Variants in EIF4ENIF1 observed in about 807,000 individuals in gnomAD.
EIF4ENIF1 encodes the protein eukaryotic translation initiation factor 4E transporter.
EIF4ENIF1 carries 23 observed loss-of-function variants against 110.5 expected under a neutral mutation model. The observed-to-expected ratio is 0.21, with a 90% CI of 0.15 to 0.29. The LOEUF is 0.29. EIF4ENIF1 is among the 10% of genes least tolerant of loss of function. The pLI is 1.00. For synonymous variants in EIF4ENIF1, 440 were observed against 437.0 expected, an observed-to-expected ratio of 1.01 and a Z score of -0.09; for missense variants, 1,031 against 1,221.1, an observed-to-expected ratio of 0.84 and a Z score of 2.32.
intron 15 of EIF4ENIF1, chr22:31,443,326 G>A: frequency 2.2e-6 from 1 of 445,422 alleles, no homozygotes; most frequent in Non-Finnish European, 3.8e-6. Flanking sequence ...ACATGCCTAT[G>A]CAGCCTCTGC....
Position 31,463,671 on chromosome 22 carries a change from A to AAT in EIF4ENIF1, c.585+9_585+10insAT. 2 of 1,561,296 alleles carry AAT rather than the reference A, an allele frequency of 1.3e-6. No individual in the cohort carries two copies. Among genetic ancestry groups the AAT allele is most frequent in the Non-Finnish European group, 1.7e-6 (2 of 1,161,996 alleles). On this transcript the variant is annotated intron_variant, in intron 5 of 18. Coordinates refer to ENST00000330125, the MANE Select transcript of EIF4ENIF1 (RefSeq NM_019843.4). The stretch of plus-strand genomic sequence containing the variant: ...CAATTTAAAAAAAAAAAAAAAAAAA[A>AAT]AAGACAAACCCTGAAACGCTTGTCC...
chr22:31,443,150 T>A, intron 15 of EIF4ENIF1, 56 bp from the exon 16 acceptor site: 1 of 1,593,392 alleles, frequency 6.3e-7, no homozygotes, highest in East Asian at 2.2e-5. Context: ...TCTCTAATAC[T>A]AAGCCAGGAT....
At chr22:31,439,284 T>C (rs2050222595), downstream of EIF4ENIF1, 1 of 153,008 alleles carries the variant, frequency 6.5e-6, no homozygotes, top group African/African-American at 2.4e-5. Flanking sequence ...TACTCCAGCC[T>C]GGGTGACACA....
At chr22:31,439,168 A>C (rs953262537), downstream of EIF4ENIF1, among the ~76,000 whole-genome samples, 4 of 152,082 alleles carry the variant, frequency 2.6e-5, no homozygotes, top group African/African-American at 7.2e-5. Flanking sequence ...AATAAGAAAA[A>C]AGTTAGTGGC....
chr22:31,458,401 C>T (rs2050892348), intron 7 of EIF4ENIF1, 74 bp downstream of exon 7: 4 of 1,305,502 alleles, frequency 3.1e-6, no homozygotes, highest in Non-Finnish European at 4.0e-6. Context: ...AGCAAAACAA[C>T]ACTTTCAAAC....
Position 31,477,315 on chromosome 22 carries a change from T to C in EIF4ENIF1, c.97-5398A>G, listed in dbSNP as rs113058788. On this transcript the variant is annotated intron_variant, in intron 2 of 18. Transcript: ENST00000330125. ...TCAGGAGGTGGAAGTTGCAGTAAGC[T>C]GAGATTCTCCAGCCTCGGCAACAGA... Among the ~76,000 whole-genome samples, 719 of 128,594 alleles carry C rather than the reference T, an allele frequency of 5.6e-3. 5 individuals are homozygous for C. The highest frequency in any genetic ancestry group is 0.02 in the African/African-American group (681 of 33,522). The allele number at this position is 128,594 out of a possible 152,430, so 84.4% of individuals were successfully genotyped here.
Position 31,441,798 on chromosome 22 carries a change from G to A in EIF4ENIF1, c.2527C>T (p.His843Tyr), listed in dbSNP as rs753837799. Residue 843 changes from histidine (H) to tyrosine (Y), a missense_variant, in exon 17 of 19, where the codon CAT becomes TAT. By Grantham distance (83) the His-to-Tyr change is moderately conservative (BLOSUM62 2). Transcript: ENST00000330125. ...CCAGTTTGGAGCAAACTTGGAAGAT[G>A]CTGTGGATGTACTCCCTGGGCCAGC... Reference protein sequence around the residue: ...RMLAQGVHPQHLPSLLQTGVL... With the variant: ...RMLAQGVHPQYLPSLLQTGVL... 82 of 1,612,498 alleles carry A rather than the reference G, an allele frequency of 5.1e-5. No individual in the cohort carries two copies. The highest frequency in any genetic ancestry group is 1.6e-4 in the Middle Eastern group (1 of 6,080).
chr22:31,464,352 C>T (rs777358589), intron 4 of EIF4ENIF1: 3 of 197,670 alleles, frequency 1.5e-5, no homozygotes, highest in African/African-American at 2.4e-5. Context: ...TGGTGTTGAA[C>T]GGTTAGATAT....
At chr22:31,471,439 C>A (rs188719175) in intron 3 of EIF4ENIF1, among the ~76,000 whole-genome samples, 1 of 152,104 alleles carries the variant, frequency 6.6e-6, no homozygotes, top group Non-Finnish European at 1.5e-5. Flanking sequence ...CTCAGCCTCC[C>A]GAGTAGCTGG....
chr22:31,454,101 A>G, intron 10 of EIF4ENIF1, 43 bp downstream of exon 10: 2 of 1,563,248 alleles, frequency 1.3e-6, no homozygotes, highest in South Asian at 2.3e-5. Context: ...AAAAGAAGAA[A>G]AAAAAAGGAG....
intron 4 of EIF4ENIF1, among the ~76,000 whole-genome samples, chr22:31,464,485 C>G (rs1365386895): frequency 6.6e-6 from 1 of 150,828 alleles, no homozygotes; most frequent in African/African-American, 2.4e-5. Context: ...CAAGACCAGC[C>G]TGGCCAAGAT....
intron 3 of EIF4ENIF1, 120 bp from the exon 4 acceptor site, chr22:31,468,422 T>G (rs1272381566): frequency 2.6e-5 from 36 of 1,400,938 alleles, no homozygotes; most frequent in Non-Finnish European, 3.3e-5. Context: ...TGAGACAGGG[T>G]CTCGCTCTGT....
At chr22:31,441,391 T>C (rs1010796462) in intron 17 of EIF4ENIF1, among the ~76,000 whole-genome samples, 1 of 151,012 alleles carries the variant, frequency 6.6e-6, no homozygotes, top group African/African-American at 2.4e-5. Flanking sequence ...ACAAAATAAA[T>C]TATCCGGGTG....
chr22:31,486,286 A>AT (rs1569110405), intron 2 of EIF4ENIF1, among the ~76,000 whole-genome samples: 2 of 980 alleles, frequency 2.0e-3, no homozygotes, highest in Non-Finnish European at 5.5e-3. Flanking sequence ...AAAAAAAATA[A>AT]AAATAAAAAT....
rs571349573 is a variant in EIF4ENIF1 at position 31,456,438 on chromosome 22, T to G, written c.964-451A>C. On this transcript the variant is annotated intron_variant, in intron 7 of 18. Transcript: ENST00000330125. The stretch of plus-strand genomic sequence containing the variant: ...CGGGGTTTTACCGTGTTAGCCAGGA[T>G]GGTCTCGATCTCCTGACCTTGTGAT... 2.2e-4 allele frequency among the ~76,000 whole-genome samples: 34 copies of G among 152,084 alleles called. No individual in the cohort carries two copies. In the East Asian group the frequency reaches 5.6e-3, roughly 25 times the overall value.
chr22:31,449,359 G>A lies in EIF4ENIF1; in HGVS notation c.1757C>T (p.Pro586Leu), dbSNP rs958523332. 44 of 1,613,244 alleles carry A rather than the reference G, an allele frequency of 2.7e-5. No homozygotes were observed. The highest frequency in any genetic ancestry group is 3.6e-5 in the Non-Finnish European group (42 of 1,179,810). ...ATAAGTATATTTACCAATTGGTGAT[G>A]GTATTCTTGGGCGAAGGTAGTCAGC... is the stretch of plus-strand genomic sequence containing the variant. Reference protein sequence around the residue: ...ASADYLRPRIPSPIGFTPGPQ... With the variant: ...ASADYLRPRILSPIGFTPGPQ... Residue 586 changes from proline to leucine, a missense_variant, in exon 12 of 19, where the codon CCA becomes CTA. Physicochemically the swap from Pro to Leu is moderately conservative, Grantham distance 98. Around this residue, in one of 3 missense-constraint regions of EIF4ENIF1, gnomAD observed 704 missense variants for 879.7 expected, o/e 0.80. Transcript: ENST00000330125.
rs1439854132 is a variant in EIF4ENIF1 at position 31,488,775 on chromosome 22, C to A, written c.-27-30G>T. 3 of 1,568,704 alleles carry A rather than the reference C, an allele frequency of 1.9e-6. No individual in the cohort carries two copies. The East Asian group carries it at 6.8e-5, about 35-fold the overall frequency. ...AAGATAAATCGGCACAAAATTGTCA[C>A]CGAGAACAGTAAGTTTTCAGAAATC... On this transcript the variant is annotated intron_variant, in intron 1 of 18. Coordinates refer to ENST00000330125, the MANE Select transcript of EIF4ENIF1 (RefSeq NM_019843.4).
At chr22:31,444,432 A>C (rs1601559494) in intron 15 of EIF4ENIF1, 174 bp downstream of exon 15, 1 of 645,552 alleles carries the variant, frequency 1.5e-6, no homozygotes, top group East Asian at 2.7e-5. Flanking sequence ...AAATCCTAAG[A>C]CTTAGACTGT....
chr22:31,490,119 G>C (rs868065379), upstream of EIF4ENIF1, among the ~76,000 whole-genome samples: 3 of 152,334 alleles, frequency 2.0e-5, no homozygotes, highest in South Asian at 2.1e-4. Context: ...CAGCCCAGAG[G>C]CCACCGCCGC....
Sources: gnomAD v4.1 joint callset for allele counts (sites outside exome capture counted in the v4.1 genomes callset) on GRCh38, gnomAD v4.1.1 for gene constraint, gnomAD v4.1.1 regional missense constraint, MANE v1.5 for transcripts, NCBI Gene and HGNC (gene_info 2026-07-23, HGNC 2026-07-21) for gene names.